PDE3B: variants seen among roughly 807,000 people sequenced by gnomAD.
PDE3B encodes the protein cGMP-inhibited 3',5'-cyclic phosphodiesterase 3B.
Under a neutral mutation model 116.8 loss-of-function variants are expected in PDE3B, and 66 were observed. The observed-to-expected ratio is 0.56, with a 90% confidence interval of 0.46 to 0.69. The LOEUF (loss-of-function observed/expected upper bound fraction) is 0.69. Among genes scored for constraint, PDE3B ranks in the 30% least tolerant of loss-of-function variants. The pLI is 0.00. For missense variants in PDE3B, 1,384 were observed against 1,368.1 expected (o/e 1.01, Z -0.18); for synonymous variants, 595 against 533.6 (o/e 1.12, Z -1.59).
chr11:14,685,446 CTTTTT>C (rs71044017), intron 1 of PDE3B, among the ~76,000 whole-genome samples: 2 of 86,310 alleles, frequency 2.3e-5, no homozygotes, highest in South Asian at 5.6e-4. Context: ...TTTTTCTCAT[CTTTTT>C]TTTTTTTTTT....
At chr11:14,825,074 A>G (rs1282922101) in intron 7 of PDE3B, among the ~76,000 whole-genome samples, 1 of 152,224 alleles carries the variant, frequency 6.6e-6, no homozygotes, top group Non-Finnish European at 1.5e-5. Context: ...CAGATAAGCA[A>G]ATGCTGAGGA....
intron 1 of PDE3B, among the ~76,000 whole-genome samples, chr11:14,672,289 C>A (rs538641014): frequency 1.3e-5 from 2 of 151,696 alleles, no homozygotes; most frequent in African/African-American, 4.8e-5. Context: ...GAACACAGGG[C>A]TTTTTATAGC....
At chr11:14,708,142 T>C (rs889563464) in intron 1 of PDE3B, among the ~76,000 whole-genome samples, 3 of 152,020 alleles carry the variant, frequency 2.0e-5, no homozygotes, top group Non-Finnish European at 2.9e-5. Flanking sequence ...ATGACTTCCA[T>C]TGGGGGTGAG....
At chr11:14,875,576 A>G (rs367623341), downstream of PDE3B, among the ~76,000 whole-genome samples, 3 of 152,234 alleles carry the variant, frequency 2.0e-5, no homozygotes, top group Admixed American at 1.3e-4. Context: ...GATTTTTCCA[A>G]TATGGCTTAC....
chr11:14,758,937 G>A (rs540024193), intron 1 of PDE3B, among the ~76,000 whole-genome samples: 27 of 151,992 alleles, frequency 1.8e-4, no homozygotes, highest in South Asian at 8.3e-4. Context: ...TTTGAGATAC[G>A]TCCCATCAAT....
chr11:14,891,348 G>A, the PDE3B span: 12 of 985,372 alleles, frequency 1.2e-5, no homozygotes, highest in Non-Finnish European at 1.3e-5. Context: ...TTCCCAGCCA[G>A]TCAGAACGGC....
intron 1 of PDE3B, among the ~76,000 whole-genome samples, chr11:14,750,361 T>C (rs1015139190): frequency 6.6e-6 from 1 of 152,098 alleles, no homozygotes; most frequent in Non-Finnish European, 1.5e-5. Context: ...AATGAGAGTT[T>C]ATGATTATTT....
At chr11:14,826,671 A>G (rs1266098555) in intron 7 of PDE3B, among the ~76,000 whole-genome samples, 1 of 152,216 alleles carries the variant, frequency 6.6e-6, no homozygotes, top group African/African-American at 2.4e-5. Flanking sequence ...GCCCAGGACC[A>G]GATGGATTCA....
chr11:14,669,915 GGTTA>G (rs1399954327), intron 1 of PDE3B, among the ~76,000 whole-genome samples: 1 of 152,058 alleles, frequency 6.6e-6, no homozygotes, highest in East Asian at 1.9e-4. Context: ...TGAAAGCATA[GGTTA>G]GTATTTGTAG....
intron 1 of PDE3B, among the ~76,000 whole-genome samples, chr11:14,668,735 A>G (rs1565083426): frequency 6.6e-6 from 1 of 152,144 alleles, no homozygotes; most frequent in African/African-American, 2.4e-5. Context: ...ATTTGTAGTC[A>G]TTTTCAGAAT....
intron 1 of PDE3B, among the ~76,000 whole-genome samples, chr11:14,681,363 A>C (rs1216532020): frequency 6.6e-6 from 1 of 152,090 alleles, no homozygotes; most frequent in East Asian, 1.9e-4. Flanking sequence ...AGTGGGAAGT[A>C]ATTGAATTGT....
intron 5 of PDE3B, among the ~76,000 whole-genome samples, chr11:14,806,716 G>A (rs1284987046): frequency 1.3e-5 from 2 of 151,024 alleles, no homozygotes; most frequent in East Asian, 2.0e-4. Context: ...AAAATTAGCC[G>A]GGCGTAGTGG....
chr11:14,746,255 G>A (rs1458035045), intron 1 of PDE3B, among the ~76,000 whole-genome samples: 19 of 152,258 alleles, frequency 1.2e-4, no homozygotes, highest in Non-Finnish European at 2.2e-4. Context: ...TTAGCTGGGC[G>A]TGGTGGCATT....
chr11:14,645,784 A>T (rs563210710), intron 1 of PDE3B, among the ~76,000 whole-genome samples: 29 of 151,418 alleles, frequency 1.9e-4, no homozygotes, highest in South Asian at 8.4e-4. Flanking sequence ...TTTTTTTTTT[A>T]AAAGGGATTG....
rs1854071425 is a variant in PDE3B at position 14,664,788 on chromosome 11, C to CA, written c.978+19740dup. Among the ~76,000 whole-genome samples, 3 of 152,030 alleles carry CA rather than the reference C, an allele frequency of 2.0e-5. No individual in the cohort carries two copies. In the East Asian group the frequency reaches 5.8e-4, roughly 29 times the overall value. Reference sequence around the variant, plus strand: ...TGGCAATAATCAATAGCTTACCAACCAAAAAGAGTCCAGGACCAGATGGAT... The same window carrying CA: ...TGGCAATAATCAATAGCTTACCAACCAAAAAAGAGTCCAGGACCAGATGGAT... On this transcript the variant is annotated intron_variant, in intron 1 of 15. Transcript: ENST00000282096.
At chr11:14,806,858 C>CAAAAAAAAAAAAAA (rs953411145) in intron 5 of PDE3B, among the ~76,000 whole-genome samples, 17 of 45,878 alleles carry the variant, frequency 3.7e-4, no homozygotes, top group East Asian at 7.5e-4. Flanking sequence ...GACTCCGTCT[C>CAAAAAAAAAAAAAA]AAAAAAAAAA....
chr11:14,676,341 T>C (rs756804001), intron 1 of PDE3B, among the ~76,000 whole-genome samples: 4 of 152,196 alleles, frequency 2.6e-5, no homozygotes, highest in Admixed American at 1.3e-4. Flanking sequence ...ACCTAGGCTA[T>C]ATGTTATAGC....
At chr11:14,679,957 G>A (rs1434113369) in intron 1 of PDE3B, among the ~76,000 whole-genome samples, 1 of 152,002 alleles carries the variant, frequency 6.6e-6, no homozygotes, top group Non-Finnish European at 1.5e-5. Context: ...GGAAGCATGG[G>A]AAAAGATGGC....
intron 1 of PDE3B, among the ~76,000 whole-genome samples, chr11:14,664,887 A>C (rs1828097697): frequency 6.6e-6 from 1 of 152,210 alleles, no homozygotes; most frequent in Non-Finnish European, 1.5e-5. Context: ...AATCAATAGA[A>C]AAAGAGGGAA....
Sources: gnomAD v4.1 joint callset for allele counts (sites outside exome capture counted in the v4.1 genomes callset) on GRCh38, gnomAD v4.1.1 for gene constraint, MANE v1.5 for transcripts, NCBI Gene and HGNC (gene_info 2026-07-23, HGNC 2026-07-21) for gene names.